Variants in EXD3 observed in about 807,000 individuals in gnomAD.
EXD3 encodes exonuclease mut-7 homolog.
A neutral mutation model predicts 98.0 loss-of-function variants in EXD3; 92 were observed. The ratio of observed to expected loss-of-function variants is 0.94; its 90% CI spans 0.79 to 1.12. The LOEUF is 1.12. Ranked by LOEUF, EXD3 falls within the 50% of genes most tolerant of loss-of-function variation. The pLI is 0.00. For missense variants in EXD3, 1,222 were observed against 1,191.6 expected (o/e 1.03, Z -0.38); for synonymous variants, 569 against 526.0 (o/e 1.08, Z -1.12).
intron 19 of EXD3, among the ~76,000 whole-genome samples, chr9:137,319,499 G>A (rs1831907751): frequency 6.6e-6 from 1 of 152,232 alleles, no homozygotes. Context: ...TGGGAGCACT[G>A]AGGCTGCAGT....
intron 14 of EXD3, among the ~76,000 whole-genome samples, chr9:137,350,778 T>C (rs1218741215): frequency 6.6e-6 from 1 of 151,764 alleles, no homozygotes; most frequent in Non-Finnish European, 1.5e-5. Context: ...AGGGCTCAGG[T>C]CTGGGGGAAG....
intron 3 of EXD3, among the ~76,000 whole-genome samples, chr9:137,376,250 A>T (rs1176222011): frequency 6.7e-6 from 1 of 148,502 alleles, no homozygotes; most frequent in Non-Finnish European, 1.5e-5. Flanking sequence ...AGGCAGAGGC[A>T]GGAGAATGGC....
intron 7 of EXD3, among the ~76,000 whole-genome samples, chr9:137,364,808 G>A (rs905349854): frequency 5.2e-4 from 69 of 133,240 alleles, no homozygotes; most frequent in Non-Finnish European, 6.2e-4. Context: ...TCGCTCTGTC[G>A]CCCAGGCTGC....
At chr9:137,378,867 G>A (rs1351721874) in intron 3 of EXD3, among the ~76,000 whole-genome samples, 4 of 151,616 alleles carry the variant, frequency 2.6e-5, no homozygotes, top group Non-Finnish European at 5.9e-5. Flanking sequence ...CTGTGTGAGG[G>A]GTACAGGGTT....
At position 137,323,945 on chromosome 9, in the gene EXD3, G is replaced by C. The variant is rs1387877715; in HGVS notation, c.2053-89C>G. ...CCGCCTCCGCCAGCATGGGGCAGGA[G>C]CCTTCTCTCGGCCCACCAGGGGTAC... On this transcript the variant is annotated intron_variant, in intron 18 of 21. Transcript: ENST00000340951. 10 of 1,531,048 alleles carry C rather than the reference G, an allele frequency of 6.5e-6. No homozygotes were observed. The African/African-American group carries it at 1.4e-4, about 21-fold the overall frequency. 94.8% of individuals were successfully genotyped at this position (1,531,048 alleles called of 1,614,324 possible).
chr9:137,352,176 C>T lies in EXD3; in HGVS notation c.1063G>A (p.Glu355Lys). Residue 355 changes from glutamate to lysine, a missense_variant, in exon 12 of 22, where the codon GAG becomes AAG. Coordinates refer to ENST00000340951, the MANE Select transcript of EXD3 (RefSeq NM_017820.5). The part of the protein sequence containing the change: ...GRATEADSRL[E>K]VKDMKDRYYQ... ...TAACGGTCCTTCATGTCCTTCACCT[C>T]CAGCCTCGAGTCAGCCTCAGTCGCC... 1 of 1,612,774 alleles carries T rather than the reference C, an allele frequency of 6.2e-7. No individual in the cohort carries two copies. The highest frequency in any genetic ancestry group is 8.5e-7 in the Non-Finnish European group (1 of 1,179,748).
chr9:137,353,380 C>T (rs1057062200), intron 10 of EXD3: 1 of 985,400 alleles, frequency 1.0e-6, no homozygotes, highest in Non-Finnish European at 1.2e-6. Flanking sequence ...AGCACCTGCC[C>T]AGCCTGCCCC....
chr9:137,422,725 C>A (rs2131858789), intron 1 of EXD3, among the ~76,000 whole-genome samples: 1 of 152,298 alleles, frequency 6.6e-6, no homozygotes, highest in Non-Finnish European at 1.5e-5. Flanking sequence ...TCCCTTCTCC[C>A]GGGGAGGGCA....
Position 137,382,073 on chromosome 9 carries a change from C to T in EXD3, c.120+1240G>A, listed in dbSNP as rs370660224. 5.3e-4 allele frequency among the ~76,000 whole-genome samples: 68 copies of T among 127,620 alleles called. 2 individuals carry two copies. The East Asian group carries it at 0.014, about 26-fold the overall frequency. 83.7% of individuals were successfully genotyped at this position (127,620 alleles called of 152,430 possible). On this transcript the variant is annotated intron_variant, in intron 3 of 21. Transcript: ENST00000340951. Reference sequence around the variant, plus strand: ...TGAGGGCGCGCGGAGGAGGTGAGGGCGCGCGGTGGAGGTCAGGGCGGCGGT... The same window carrying T: ...TGAGGGCGCGCGGAGGAGGTGAGGGTGCGCGGTGGAGGTCAGGGCGGCGGT...
chr9:137,368,177 G>A (rs978890473), intron 5 of EXD3, among the ~76,000 whole-genome samples, 188 bp from the exon 6 acceptor site: 1 of 152,354 alleles, frequency 6.6e-6, no homozygotes, highest in South Asian at 2.1e-4. Context: ...CCCCCGTGCT[G>A]AGCCAGGCCT....
intron 1 of EXD3, among the ~76,000 whole-genome samples, chr9:137,415,984 G>A (rs1411892395): frequency 6.6e-6 from 1 of 152,134 alleles, no homozygotes; most frequent in African/African-American, 2.4e-5. Context: ...TTTCTGTTTT[G>A]TATTTTCTGA....
chr9:137,351,168 G>A (rs761601756), intron 13 of EXD3, 21 bp from the exon 14 acceptor site: 4 of 1,556,256 alleles, frequency 2.6e-6, no homozygotes, highest in Non-Finnish European at 3.5e-6. Context: ...GAACCATCGT[G>A]GGAGGGGCGC....
At chr9:137,320,901 C>T (rs776451664) in intron 19 of EXD3, among the ~76,000 whole-genome samples, 13 of 152,214 alleles carry the variant, frequency 8.5e-5, no homozygotes, top group African/African-American at 2.9e-4. Context: ...GTCTTTACAG[C>T]GCTTGCTGGC....
intron 2 of EXD3, among the ~76,000 whole-genome samples, chr9:137,387,494 T>C (rs2131736000): frequency 6.6e-6 from 1 of 152,184 alleles, no homozygotes; most frequent in South Asian, 2.1e-4. Context: ...TGGCTTCCTG[T>C]TCATACAACA....
At chr9:137,390,853 G>T (rs912618330) in intron 2 of EXD3, among the ~76,000 whole-genome samples, 3 of 152,236 alleles carry the variant, frequency 2.0e-5, no homozygotes, top group Non-Finnish European at 4.4e-5. Flanking sequence ...GGAGAGAAAG[G>T]CCCGGGAGCC....
intron 5 of EXD3, among the ~76,000 whole-genome samples, chr9:137,370,947 C>G (rs996074166): frequency 6.6e-6 from 1 of 152,220 alleles, no homozygotes; most frequent in Non-Finnish European, 1.5e-5. Context: ...CACATTGAGT[C>G]GTGAGTCCCA....
At chr9:137,396,689 A>G (rs934179237) in intron 1 of EXD3, among the ~76,000 whole-genome samples, 1 of 152,214 alleles carries the variant, frequency 6.6e-6, no homozygotes, top group Admixed American at 6.5e-5. Context: ...TCGTCTGTGG[A>G]CTCAGGACGG....
rs143555573 is a variant in EXD3 at position 137,401,445 on chromosome 9, G to A, written c.-47-6041C>T. 6.3e-3 allele frequency among the ~76,000 whole-genome samples: 963 copies of A among 152,072 alleles called. 5 individuals are homozygous for A. Among genetic ancestry groups the A allele is most frequent in the South Asian group, 0.01 (50 of 4,812 alleles). On this transcript the variant is annotated intron_variant, in intron 1 of 21. Transcript: ENST00000340951. ...GCTGGGATTACAGGTGTGAGCCACCGTGCCCGGCCCCCACCCATTTCCCTT... is the reference window on the plus strand; with the variant it reads ...GCTGGGATTACAGGTGTGAGCCACCATGCCCGGCCCCCACCCATTTCCCTT...
intron 20 of EXD3, among the ~76,000 whole-genome samples, chr9:137,308,141 C>A (rs1831147133): frequency 6.6e-6 from 1 of 152,112 alleles, no homozygotes; most frequent in Admixed American, 6.5e-5. Flanking sequence ...ATTGAGAGCC[C>A]AGGGCAGGCA....
Sources: gnomAD v4.1 joint callset for allele counts (sites outside exome capture counted in the v4.1 genomes callset) on GRCh38, gnomAD v4.1.1 for gene constraint, MANE v1.5 for transcripts, NCBI Gene and HGNC (gene_info 2026-07-23, HGNC 2026-07-21) for gene names.